Variants in APBA1 observed in about 807,000 individuals in gnomAD.
APBA1 encodes the protein amyloid-beta A4 precursor protein-binding family A member 1.
A neutral mutation model predicts 86.6 loss-of-function variants in APBA1; 55 were observed. That is an observed-to-expected ratio of 0.64 (90% CI 0.51 to 0.80). APBA1 has a LOEUF of 0.80. APBA1 is among the 30% of genes least tolerant of loss of function. The pLI is 0.00. For synonymous variants in APBA1, 511 were observed against 493.9 expected (o/e 1.03, Z -0.46); for missense variants, 1,090 against 1,183.0 (o/e 0.92, Z 1.15).
chr9:69,526,570 C>T (rs1469750066), intron 1 of APBA1, among the ~76,000 whole-genome samples: 1 of 152,058 alleles, frequency 6.6e-6, no homozygotes, highest in East Asian at 1.9e-4. Context: ...CAAACAACAA[C>T]AGATGCCAGT....
chr9:69,589,118 C>T (rs766287664), intron 1 of APBA1, among the ~76,000 whole-genome samples: 1 of 152,080 alleles, frequency 6.6e-6, no homozygotes, highest in Non-Finnish European at 1.5e-5. Flanking sequence ...CCATGCCCAG[C>T]TAATTTTTGT....
chr9:69,553,711 T>C (rs1417017211), intron 1 of APBA1, among the ~76,000 whole-genome samples: 1 of 152,210 alleles, frequency 6.6e-6, no homozygotes, highest in Non-Finnish European at 1.5e-5. Context: ...TAGCAAATGA[T>C]CTGAGAATTC....
intron 10 of APBA1, among the ~76,000 whole-genome samples, chr9:69,447,806 A>C (rs547478242): frequency 6.6e-6 from 1 of 152,274 alleles, no homozygotes; most frequent in Non-Finnish European, 1.5e-5. Flanking sequence ...GAGCATCCAG[A>C]GCACAGACAC....
rs554882704 is a variant in APBA1, at chr9:69,459,880, G to C, written c.1483-1692C>G. On this transcript the variant is annotated intron_variant, in intron 5 of 12. Coordinates refer to ENST00000265381, the MANE Select transcript of APBA1 (RefSeq NM_001163.4). ...TCTAAGCACTATATTTGTGTTTGCT[G>C]TTATATGATTATAATTGACCTAGGT... Among the ~76,000 whole-genome samples, 9 of 152,362 alleles carry C rather than the reference G, an allele frequency of 5.9e-5. No individual in the cohort carries two copies. In the South Asian group the frequency reaches 1.4e-3, roughly 25 times the overall value.
intron 10 of APBA1, among the ~76,000 whole-genome samples, chr9:69,443,281 C>A (rs971321448): frequency 1.3e-5 from 2 of 152,198 alleles, no homozygotes; most frequent in African/African-American, 2.4e-5. Context: ...CTCAATTTTG[C>A]GAACAACTGT....
chr9:69,656,760 T>C (rs1459957723), intron 1 of APBA1, among the ~76,000 whole-genome samples: 1 of 152,244 alleles, frequency 6.6e-6, no homozygotes, highest in Non-Finnish European at 1.5e-5. Context: ...AGATGAGAAT[T>C]TGAGTTATTT....
intron 1 of APBA1, among the ~76,000 whole-genome samples, chr9:69,579,053 C>T (rs762134330): frequency 2.0e-5 from 3 of 151,992 alleles, no homozygotes; most frequent in Non-Finnish European, 4.4e-5. Flanking sequence ...GAAATTTCAA[C>T]GAGTTTTTTT....
At chr9:69,544,162 A>G (rs990235987) in intron 1 of APBA1, among the ~76,000 whole-genome samples, 1 of 152,242 alleles carries the variant, frequency 6.6e-6, no homozygotes, top group Non-Finnish European at 1.5e-5. Context: ...CTATGAAAAG[A>G]GTTTGCAAAC....
chr9:69,456,099 G>C (rs1835091439), intron 8 of APBA1, 148 bp downstream of exon 8: 2 of 900,810 alleles, frequency 2.2e-6, no homozygotes, highest in Non-Finnish European at 3.5e-6. Flanking sequence ...GTTTTACTCA[G>C]CCTTATATCT....
intron 1 of APBA1, among the ~76,000 whole-genome samples, chr9:69,522,165 A>G (rs1248570961): frequency 1.3e-5 from 2 of 151,796 alleles, no homozygotes; most frequent in African/African-American, 2.4e-5. Flanking sequence ...CTGAGTGGTA[A>G]TTCTTTGTAA....
intron 1 of APBA1, among the ~76,000 whole-genome samples, chr9:69,613,967 G>C (rs1458540634): frequency 6.6e-6 from 1 of 151,910 alleles, no homozygotes; most frequent in Non-Finnish European, 1.5e-5. Context: ...TTACCTTTTT[G>C]TTAACTGACC....
chr9:69,447,611 C>T (rs540663147), intron 10 of APBA1, among the ~76,000 whole-genome samples: 28 of 152,274 alleles, frequency 1.8e-4, no homozygotes, highest in Admixed American at 2.6e-4. Context: ...ATGGTCTGGC[C>T]TTGGGCCTAG....
intron 1 of APBA1, among the ~76,000 whole-genome samples, chr9:69,535,792 A>G (rs979845961): frequency 6.6e-6 from 1 of 152,118 alleles, no homozygotes. Flanking sequence ...TCTAAAAGCT[A>G]AAAGCTCTTT....
chr9:69,434,951 C>G lies in APBA1; in HGVS notation c.2302-2275G>C, dbSNP rs1366702364. ...CTAATGCTATCCCTCCCCCCTCCCC[C>G]CACCCCACAACAGTCCCCAGTGTGT... On this transcript the variant is annotated intron_variant, in intron 11 of 12. Transcript: ENST00000265381. Among the ~76,000 whole-genome samples, 9 of 113,644 alleles carry G rather than the reference C, an allele frequency of 7.9e-5. No homozygotes were observed. In the East Asian group the frequency reaches 2.5e-3, roughly 32 times the overall value. 74.6% of individuals were successfully genotyped at this position (113,644 alleles called of 152,430 possible). A position where few individuals can be genotyped will look rare whatever the true frequency, so the allele number is the denominator to read the frequency against.
At chr9:69,575,900 T>C (rs1821785276) in intron 1 of APBA1, among the ~76,000 whole-genome samples, 1 of 152,062 alleles carries the variant, frequency 6.6e-6, no homozygotes, top group African/African-American at 2.4e-5. Context: ...CAAAAGAAAT[T>C]ACCATCAGAG....
chr9:69,495,118 C>T (rs1306038556), intron 2 of APBA1, among the ~76,000 whole-genome samples: 1 of 152,022 alleles, frequency 6.6e-6, no homozygotes, highest in African/African-American at 2.4e-5. Context: ...GGTCGAGCAG[C>T]CTTTGCTCTG....
intron 6 of APBA1, 127 bp downstream of exon 6, chr9:69,458,029 A>G: frequency 9.5e-7 from 1 of 1,051,270 alleles, no homozygotes; most frequent in East Asian, 2.6e-5. Context: ...GGGGCGGTTC[A>G]AAAAGAAATC....
rs528770498 is a variant in APBA1, at chr9:69,637,283, A to C, written c.-70+34870T>G. Among the ~76,000 whole-genome samples the C allele has an allele frequency of 2.2e-4, 34 of 152,320 alleles. No homozygotes were observed. In the South Asian group the frequency reaches 5.2e-3, roughly 23 times the overall value. ...ACACAAAAATATAGTTAGATAGAAT[A>C]AATAAGATCTAGTGTTTGATAGTAC... On this transcript the variant is annotated intron_variant, in intron 1 of 12. Coordinates refer to ENST00000265381, the MANE Select transcript of APBA1 (RefSeq NM_001163.4).
At chr9:69,505,770 T>C (rs1046895698) in intron 2 of APBA1, among the ~76,000 whole-genome samples, 1 of 151,930 alleles carries the variant, frequency 6.6e-6, no homozygotes, top group Non-Finnish European at 1.5e-5. Flanking sequence ...GTAATCCCAG[T>C]ATTTTGGGAG....
Sources: gnomAD v4.1 joint callset for allele counts (sites outside exome capture counted in the v4.1 genomes callset) on GRCh38, gnomAD v4.1.1 for gene constraint, MANE v1.5 for transcripts, NCBI Gene and HGNC (gene_info 2026-07-23, HGNC 2026-07-21) for gene names.